DOK1: variants seen among roughly 807,000 people sequenced by gnomAD.
The protein encoded by DOK1 is Downstream of tyrosine kinase 1.
DOK1 carries 12 observed loss-of-function variants against 24.0 expected under a neutral mutation model. The ratio of observed to expected loss-of-function variants is 0.50; its 90% CI spans 0.32 to 0.81. The LOEUF (loss-of-function observed/expected upper bound fraction) is 0.81, where lower values mean the gene tolerates loss of function less well. Among genes scored for constraint, DOK1 ranks in the 30% least tolerant of loss-of-function variants. The probability of loss-of-function intolerance (pLI) is 0.03; values close to 1 mark genes in which losing one functional copy is unlikely to be tolerated. For missense variants in DOK1, 591 were observed against 620.7 expected (o/e 0.95, Z 0.51); for synonymous variants, 250 against 260.9 (o/e 0.96, Z 0.40).
In DOK1 at chr2:74,549,152, C is replaced by A. The variant is rs1676818157; in HGVS notation, c.-378C>A. 2.3e-6 allele frequency: 1 copy of A among 439,526 alleles called. No individual in the cohort carries two copies. Among genetic ancestry groups the A allele is most frequent in the East Asian group, 3.7e-5 (1 of 27,048 alleles). The allele number at this position is 439,526 out of a possible 1,614,324, so 27.2% of individuals were successfully genotyped here. Reference sequence around the variant, plus strand: ...GGCGTCGGCCACGAGAGAGCGGGAGCCTCGCTGGTCCCCATTTCAGGTACT... The same window carrying A: ...GGCGTCGGCCACGAGAGAGCGGGAGACTCGCTGGTCCCCATTTCAGGTACT... On this transcript the variant is annotated 5_prime_UTR_variant, in exon 1 of 5. Coordinates refer to the DOK1 transcript ENST00000409429. This position sits in a 1 kb window ranked among gnomAD's most constrained non-coding sequence, Gnocchi z 5.3.
chr2:74,554,734 C>G lies in DOK1; in HGVS notation c.-21C>G, dbSNP rs1411864073. 1.2e-6 allele frequency: 2 copies of G among 1,611,280 alleles called. No homozygotes were observed. Among genetic ancestry groups the G allele is most frequent in the Non-Finnish European group, 1.7e-6 (2 of 1,178,978 alleles). On this transcript the variant is annotated 5_prime_UTR_variant, in exon 1 of 5. Coordinates refer to ENST00000233668, the MANE Select transcript of DOK1 (RefSeq NM_001381.5). The surrounding 1 kb of genome is among the most constrained non-coding windows in gnomAD (Gnocchi z 4.9). ...CCTCCCGCCGCAGGGCCAGGAAGCGCGGAAGGAACCGCCGGGGGCCATGGA... is the reference window on the plus strand; with the variant it reads ...CCTCCCGCCGCAGGGCCAGGAAGCGGGGAAGGAACCGCCGGGGGCCATGGA...
At position 74,549,697 on chromosome 2, in the gene DOK1, C is replaced by T. The variant is rs1573026046; in HGVS notation, c.-358+525C>T. On this transcript the variant is annotated intron_variant, in intron 1 of 4. Coordinates refer to the DOK1 transcript ENST00000409429. The surrounding 1 kb of genome is among the most constrained non-coding windows in gnomAD (Gnocchi z 5.3). ...GCTGTAAACCCAGTGGCGGGATGGGCCCGAGGCGGCGCTGAGAGAGCGGCC... is the reference window on the plus strand; with the variant it reads ...GCTGTAAACCCAGTGGCGGGATGGGTCCGAGGCGGCGCTGAGAGAGCGGCC... 15 of 1,450,704 alleles carry T rather than the reference C, an allele frequency of 1.0e-5. No individual in the cohort carries two copies. In the East Asian group the frequency reaches 3.5e-4, roughly 34 times the overall value. The allele number at this position is 1,450,704 out of a possible 1,614,324, so 89.9% of individuals were successfully genotyped here. A position where few individuals can be genotyped will look rare whatever the true frequency, so the allele number is the denominator to read the frequency against.
In DOK1 at chr2:74,557,121, C is replaced by A; in HGVS notation, c.*7C>A. On this transcript the variant is annotated 3_prime_UTR_variant, in exon 5 of 5. Transcript: ENST00000233668. The stretch of plus-strand genomic sequence containing the variant: ...GTCAGAGGGCTCTACCTGAGAAGGA[C>A]GGCAAGGCTGAGGTGGCTAAGGGGG... 1 of 1,598,466 alleles carries A rather than the reference C, an allele frequency of 6.3e-7. No individual in the cohort carries two copies. The highest frequency in any genetic ancestry group is 8.6e-7 in the Non-Finnish European group (1 of 1,169,134).
upstream of DOK1, chr2:74,549,899 C>A: frequency 1.0e-6 from 1 of 985,470 alleles, no homozygotes; most frequent in Non-Finnish European, 1.2e-6. The surrounding 1 kb of genome is among the most constrained non-coding windows in gnomAD (Gnocchi z 5.3). Context: ...AGGAAGATGT[C>A]TCAGGAAAGC....
In DOK1 at chr2:74,554,894, C is replaced by T. The variant is rs771264270; in HGVS notation, c.60+80C>T. On this transcript the variant is annotated intron_variant, in intron 1 of 4. Coordinates refer to ENST00000233668, the MANE Select transcript of DOK1 (RefSeq NM_001381.5). The surrounding 1 kb of genome is among the most constrained non-coding windows in gnomAD (Gnocchi z 4.9). The stretch of plus-strand genomic sequence containing the variant: ...CCCAGAAACAGGGAGAGGTGGGCAG[C>T]GGGCTGGAGAGCGGCGCCGGGAGTT... 1.3e-6 allele frequency: 2 copies of T among 1,586,254 alleles called. No individual in the cohort carries two copies. The highest frequency in any genetic ancestry group is 1.8e-5 in the Admixed American group (1 of 55,264).
Position 74,549,251 on chromosome 2 carries a change from G to T in DOK1, c.-358+79G>T. 3 of 1,189,166 alleles carry T rather than the reference G, an allele frequency of 2.5e-6. No individual in the cohort carries two copies. The highest frequency in any genetic ancestry group is 2.3e-6 in the Non-Finnish European group (2 of 886,438). The allele number at this position is 1,189,166 out of a possible 1,614,324, so 73.7% of individuals were successfully genotyped here. On this transcript the variant is annotated intron_variant, in intron 1 of 4. Coordinates refer to the DOK1 transcript ENST00000409429. The surrounding 1 kb of genome is among the most constrained non-coding windows in gnomAD (Gnocchi z 5.3). ...TTTGCAACGGCCTCCATATTTTCCC[G>T]CGCGTCCCGACCCCCGGGTCCTCCC...
At chr2:74,550,356 AG>A, upstream of DOK1, 1 of 1,612,274 alleles carries the variant, frequency 6.2e-7, no homozygotes. Flanking sequence ...GGCCTGTGGA[AG>A]GGGAGATGAA....
chr2:74,550,073 C>A (rs1676903296), upstream of DOK1: 1 of 1,482,882 alleles, frequency 6.7e-7, no homozygotes, highest in East Asian at 2.4e-5. Context: ...AGTCTCCCAC[C>A]AATCCAAATG....
At position 74,549,622 on chromosome 2, in the gene DOK1, G is replaced by C; in HGVS notation, c.-358+450G>C. ...CACAAGCAGGGAAAGAATCCCAGTG[G>C]CACCTTTCATGTGTCCCGCCGCCCT... On this transcript the variant is annotated intron_variant, in intron 1 of 4. Coordinates refer to the DOK1 transcript ENST00000409429. This position sits in a 1 kb window ranked among gnomAD's most constrained non-coding sequence, Gnocchi z 5.3. 6.3e-7 allele frequency: 1 copy of C among 1,578,276 alleles called. No homozygotes were observed. The highest frequency in any genetic ancestry group is 2.3e-5 in the East Asian group (1 of 44,050).
Position 74,556,336 on chromosome 2 carries a change from G to A in DOK1, c.668G>A (p.Arg223His). 4.3e-6 allele frequency: 7 copies of A among 1,612,802 alleles called. No individual in the cohort carries two copies. The highest frequency in any genetic ancestry group is 5.9e-6 in the Non-Finnish European group (7 of 1,179,322). The change falls in exon 5 of 5, where the codon CGC (arginine) becomes CAC (histidine). Residue 223 changes from arginine to histidine, a missense_variant. Physicochemically the swap from Arg to His is conservative, Grantham distance 29. Coordinates refer to ENST00000233668, the MANE Select transcript of DOK1 (RefSeq NM_001381.5). This position sits in a 1 kb window ranked among gnomAD's most constrained non-coding sequence, Gnocchi z 4.1. ...KVMFSFEAGR[R>H]CPSGPGTFTF... ...ATGTTCTCTTTCGAGGCCGGCCGCCGCTGCCCCTCAGGCCCTGGAACCTTC... is the reference window on the plus strand; with the variant it reads ...ATGTTCTCTTTCGAGGCCGGCCGCCACTGCCCCTCAGGCCCTGGAACCTTC...
Position 74,549,599 on chromosome 2 carries a change from C to T in DOK1, c.-358+427C>T. ...GATGCTCTACCTGGGGGCGGGGCCA[C>T]AAGCAGGGAAAGAATCCCAGTGGCA... On this transcript the variant is annotated intron_variant, in intron 1 of 4. Transcript: ENST00000409429. This position sits in a 1 kb window ranked among gnomAD's most constrained non-coding sequence, Gnocchi z 5.3. The T allele has an allele frequency of 6.3e-7, 1 of 1,595,228 alleles. No individual in the cohort carries two copies. Among genetic ancestry groups the T allele is most frequent in the Non-Finnish European group, 8.6e-7 (1 of 1,167,020 alleles).
upstream of DOK1, chr2:74,552,508 G>A (rs755080038): frequency 1.1e-4 from 179 of 1,613,538 alleles, no homozygotes; most frequent in Non-Finnish European, 1.5e-4. Flanking sequence ...AGCCGGAACC[G>A]AAGCCCCTGG....
chr2:74,555,083 C>G lies in DOK1; in HGVS notation c.61-71C>G. 1 of 1,528,380 alleles carries G rather than the reference C, an allele frequency of 6.5e-7. No homozygotes were observed. 94.7% of individuals were successfully genotyped at this position (1,528,380 alleles called of 1,614,324 possible). A position where few individuals can be genotyped will look rare whatever the true frequency, so the allele number is the denominator to read the frequency against. On this transcript the variant is annotated intron_variant, in intron 1 of 4. Coordinates refer to ENST00000233668, the MANE Select transcript of DOK1 (RefSeq NM_001381.5). This position sits in a 1 kb window ranked among gnomAD's most constrained non-coding sequence, Gnocchi z 6.1. ...ATCCCAAATCGACTTGCGCCGCAAC[C>G]TCCTTCCCCGTCGGGACCCGGGCCG...
chr2:74,554,668 C>A, upstream of DOK1: 1 of 1,394,898 alleles, frequency 7.2e-7, no homozygotes, highest in Non-Finnish European at 9.9e-7. This position sits in a 1 kb window ranked among gnomAD's most constrained non-coding sequence, Gnocchi z 4.9. Flanking sequence ...CGGGGAGGGG[C>A]GGAAACTCCT....
rs563472671 is a variant in DOK1 at position 74,556,143 on chromosome 2, A to C, written c.639+65A>C. 2.9e-5 allele frequency: 44 copies of C among 1,534,722 alleles called. No homozygotes were observed. The highest frequency in any genetic ancestry group is 3.6e-5 in the Non-Finnish European group (41 of 1,140,484). The stretch of plus-strand genomic sequence containing the variant: ...CTGTGGGAGGGGTGGGGCAGGACAG[A>C]AAGTGGGAAGCTCTGACCTTTGGAT... On this transcript the variant is annotated intron_variant, in intron 4 of 4. Coordinates refer to ENST00000233668, the MANE Select transcript of DOK1 (RefSeq NM_001381.5). This position sits in a 1 kb window ranked among gnomAD's most constrained non-coding sequence, Gnocchi z 4.1.
chr2:74,549,712 A>G lies in DOK1; in HGVS notation c.-358+540A>G. 3 of 1,446,418 alleles carry G rather than the reference A, an allele frequency of 2.1e-6. No individual in the cohort carries two copies. Among genetic ancestry groups the G allele is most frequent in the Non-Finnish European group, 2.7e-6 (3 of 1,097,068 alleles). The allele number at this position is 1,446,418 out of a possible 1,614,324, so 89.6% of individuals were successfully genotyped here. On this transcript the variant is annotated intron_variant, in intron 1 of 4. Transcript: ENST00000409429. The surrounding 1 kb of genome is among the most constrained non-coding windows in gnomAD (Gnocchi z 5.3). ...GCGGGATGGGCCCGAGGCGGCGCTGAGAGAGCGGCCACGATGGCCGCAGTC... is the reference window on the plus strand; with the variant it reads ...GCGGGATGGGCCCGAGGCGGCGCTGGGAGAGCGGCCACGATGGCCGCAGTC...
At position 74,555,086 on chromosome 2, in the gene DOK1, C is replaced by CT. The variant is rs1446668361; in HGVS notation, c.61-66dup. 82 of 1,534,058 alleles carry CT rather than the reference C, an allele frequency of 5.3e-5. No individual in the cohort carries two copies. In the Admixed American group the frequency reaches 7.0e-4, roughly 13 times the overall value. On this transcript the variant is annotated intron_variant, in intron 1 of 4. Transcript: ENST00000233668. The surrounding 1 kb of genome is among the most constrained non-coding windows in gnomAD (Gnocchi z 6.1). ...CCAAATCGACTTGCGCCGCAACCTC[C>CT]TTCCCCGTCGGGACCCGGGCCGCCT...
In DOK1 at chr2:74,557,121, C is replaced by T. The variant is rs763874653; in HGVS notation, c.*7C>T. 33 of 1,598,348 alleles carry T rather than the reference C, an allele frequency of 2.1e-5. No individual in the cohort carries two copies. Among genetic ancestry groups the T allele is most frequent in the Admixed American group, 2.0e-4 (12 of 59,180 alleles). On this transcript the variant is annotated 3_prime_UTR_variant, in exon 5 of 5. Coordinates refer to ENST00000233668, the MANE Select transcript of DOK1 (RefSeq NM_001381.5). ...GTCAGAGGGCTCTACCTGAGAAGGA[C>T]GGCAAGGCTGAGGTGGCTAAGGGGG...
chr2:74,549,482 A>G lies in DOK1; in HGVS notation c.-358+310A>G, dbSNP rs373048810. On this transcript the variant is annotated intron_variant, in intron 1 of 4. Transcript: ENST00000409429. The surrounding 1 kb of genome is among the most constrained non-coding windows in gnomAD (Gnocchi z 5.3). The stretch of plus-strand genomic sequence containing the variant: ...CGCACACTTGCGACCAGCCGTCAGG[A>G]AGCCTGACTTCCACCAGCCCCTCCG... The G allele has an allele frequency of 3.5e-4, 568 of 1,613,332 alleles. No homozygotes were observed. The highest frequency in any genetic ancestry group is 4.5e-4 in the Non-Finnish European group (534 of 1,179,818).
Sources: allele counts gnomAD v4.1 joint callset, GRCh38; gene constraint gnomAD v4.1.1; non-coding constraint Gnocchi (gnomAD v3.1); transcripts MANE v1.5; gene names NCBI Gene and HGNC (gene_info 2026-07-23, HGNC 2026-07-21).